The following CCPG1 variants were observed in gnomAD, a reference collection of about 807,000 sequenced individuals.
The protein encoded by CCPG1 is cell cycle progression protein 1.
CCPG1 carries 46 observed loss-of-function variants against 81.3 expected under a neutral mutation model. The observed-to-expected ratio is 0.57, with a 90% confidence interval of 0.45 to 0.72. The LOEUF is 0.72. Ranked by LOEUF, CCPG1 falls within the 30% of genes least tolerant of loss-of-function variation. The pLI, the probability that CCPG1 is intolerant of heterozygous loss-of-function variation, is 0.00. For missense variants in CCPG1, 902 were observed against 937.6 expected (o/e 0.96, Z 0.50); for synonymous variants, 330 against 305.2 (o/e 1.08, Z -0.85).
At chr15:55,387,476 TTC>T (rs1368862784) in intron 2 of CCPG1, among the ~76,000 whole-genome samples, 2 of 152,244 alleles carry the variant, frequency 1.3e-5, no homozygotes, top group African/African-American at 4.8e-5. Context: ...TCTTGTTTTT[TTC>T]TGTTAATGTT....
chr15:55,404,885 T>C (rs943012914), intron 1 of CCPG1, among the ~76,000 whole-genome samples: 1 of 152,084 alleles, frequency 6.6e-6, no homozygotes, highest in Non-Finnish European at 1.5e-5. Context: ...TCCTGGCCAT[T>C]ATGGTGAAAC....
intron 6 of CCPG1, among the ~76,000 whole-genome samples, chr15:55,366,677 C>T (rs914775202): frequency 6.6e-6 from 1 of 152,276 alleles, no homozygotes; most frequent in African/African-American, 2.4e-5. Flanking sequence ...GAGGCTGCGG[C>T]AGGAGAATCG....
At chr15:55,383,986 A>T (rs1039465349) in intron 3 of CCPG1, among the ~76,000 whole-genome samples, 8 of 152,218 alleles carry the variant, frequency 5.3e-5, no homozygotes, top group Admixed American at 3.3e-4. Flanking sequence ...TTGCATTCAC[A>T]ACTTGGCTAA....
At chr15:55,371,048 G>GT (rs2056439042) in intron 6 of CCPG1, among the ~76,000 whole-genome samples, 1 of 152,170 alleles carries the variant, frequency 6.6e-6, no homozygotes, top group South Asian at 2.1e-4. Context: ...TGGGAGTGGA[G>GT]TTTGCATTGA....
Position 55,360,146 on chromosome 15 carries a change from T to C in CCPG1, c.1627A>G (p.Ile543Val). Reference protein sequence around the residue: ...FRHFKDTTKNIFDEKGNKRFG... With the variant: ...FRHFKDTTKNVFDEKGNKRFG... Reference sequence around the variant, plus strand: ...CTTTTATTACCCTTTTCATCAAAGATATTCTTGGTGGTATCTTTAAAGTGT... The same window carrying C: ...CTTTTATTACCCTTTTCATCAAAGACATTCTTGGTGGTATCTTTAAAGTGT... Residue 543 changes from isoleucine to valine, a missense_variant, in exon 8 of 9, where the codon ATC (isoleucine) becomes GTC (valine). Physicochemically the swap from Ile to Val is conservative, Grantham distance 29. Around this residue, in one of 3 missense-constraint regions of CCPG1, gnomAD observed 746 missense variants for 728.6 expected, o/e 1.02. Transcript: ENST00000442196. 2 of 1,613,602 alleles carry C rather than the reference T, an allele frequency of 1.2e-6. No individual in the cohort carries two copies. Among genetic ancestry groups the C allele is most frequent in the South Asian group, 1.1e-5 (1 of 90,982 alleles).
chr15:55,398,780 C>A (rs1010741303), intron 1 of CCPG1, among the ~76,000 whole-genome samples: 1 of 152,168 alleles, frequency 6.6e-6, no homozygotes, highest in East Asian at 1.9e-4. Flanking sequence ...TGCGGTTTCA[C>A]CATGTTGGCC....
chr15:55,383,106 G>A (rs1307551814), intron 3 of CCPG1, among the ~76,000 whole-genome samples: 1 of 152,180 alleles, frequency 6.6e-6, no homozygotes, highest in Non-Finnish European at 1.5e-5. Context: ...AATACAACCT[G>A]AAAGTCAAAA....
Position 55,365,182 on chromosome 15 carries a change from A to G in CCPG1, c.828+6T>C. On this transcript the variant is annotated splice_donor_region_variant and intron_variant, in intron 7 of 8. Transcript: ENST00000442196. ...AATTATTTTAAATACTGTTAGTGGT[A>G]CATACCTTATAATCTATAAAAGATT... is the stretch of plus-strand genomic sequence containing the variant. 7.0e-7 allele frequency: 1 copy of G among 1,428,122 alleles called. No individual in the cohort carries two copies. Among genetic ancestry groups the G allele is most frequent in the Non-Finnish European group, 9.7e-7 (1 of 1,034,284 alleles). The allele number at this position is 1,428,122 out of a possible 1,614,324, so 88.5% of individuals were successfully genotyped here.
chr15:55,356,642 T>G, intron 8 of CCPG1: 1 of 1,219,620 alleles, frequency 8.2e-7, no homozygotes, highest in Non-Finnish European at 1.0e-6. Flanking sequence ...AGGGAAACAC[T>G]CAAAAGATAA....
intron 1 of CCPG1, among the ~76,000 whole-genome samples, chr15:55,398,506 C>A (rs897560526): frequency 6.6e-6 from 1 of 152,136 alleles, no homozygotes; most frequent in Admixed American, 6.5e-5. Context: ...TCTTTCACCT[C>A]CGCCAAAGGA....
chr15:55,357,011 T>A, intron 8 of CCPG1: 1 of 985,512 alleles, frequency 1.0e-6, no homozygotes, highest in Non-Finnish European at 1.2e-6. Flanking sequence ...ATTTTCAAGG[T>A]ACCACTCCCC....
chr15:55,356,717 T>A (rs2056084814), intron 8 of CCPG1: 7 of 1,066,510 alleles, frequency 6.6e-6, no homozygotes, highest in African/African-American at 5.0e-5. Context: ...TCCTTTCCTA[T>A]AAAAATCAGT....
At chr15:55,387,002 C>G (rs1213420342) in intron 2 of CCPG1, among the ~76,000 whole-genome samples, 1 of 152,004 alleles carries the variant, frequency 6.6e-6, no homozygotes, top group African/African-American at 2.4e-5. Context: ...ATGGTAGAGG[C>G]TAAAGCAAGG....
At chr15:55,389,080 A>AG (rs1350169689) in intron 2 of CCPG1, among the ~76,000 whole-genome samples, 1 of 150,782 alleles carries the variant, frequency 6.6e-6, no homozygotes, top group Non-Finnish European at 1.5e-5. Context: ...AAAAAAAAAA[A>AG]AAAAAAAAAG....
intron 3 of CCPG1, 71 bp from the exon 4 acceptor site, chr15:55,378,447 A>T: frequency 2.3e-6 from 2 of 876,748 alleles, no homozygotes; most frequent in East Asian, 2.6e-5. Flanking sequence ...TGCAGCCAAC[A>T]TATAATCTGG....
At chr15:55,391,655 A>G (rs985510235) in intron 1 of CCPG1, among the ~76,000 whole-genome samples, 3 of 152,156 alleles carry the variant, frequency 2.0e-5, no homozygotes, top group Admixed American at 1.3e-4. Flanking sequence ...AAGTAAATTA[A>G]CAGTTGTCAA....
In CCPG1 at chr15:55,359,771, G is replaced by T. The variant is rs559042172; in HGVS notation, c.2002C>A (p.Leu668Met). 2.5e-6 allele frequency: 4 copies of T among 1,613,272 alleles called. No individual in the cohort carries two copies. In the East Asian group the frequency reaches 8.9e-5, roughly 36 times the overall value. ...TCGTTCCAGTGACAAAAAGTATCCAGTTCTTTTAACATGTACCTTTGAATT... is the reference window on the plus strand; with the variant it reads ...TCGTTCCAGTGACAAAAAGTATCCATTTCTTTTAACATGTACCTTTGAATT... ...QIIQRYMLKELDTFCHWNELD... is the reference protein window; with the variant it reads ...QIIQRYMLKEMDTFCHWNELD... Residue 668 changes from leucine to methionine, a missense_variant, in exon 8 of 9, where the codon CTG becomes ATG. Transcript: ENST00000442196.
chr15:55,380,019 G>C (rs1184381310), intron 3 of CCPG1, among the ~76,000 whole-genome samples: 3 of 150,348 alleles, frequency 2.0e-5, no homozygotes, highest in African/African-American at 7.4e-5. Context: ...AGAATTGCTT[G>C]AACCCAGGAG....
chr15:55,385,376 A>G (rs2141302570), intron 3 of CCPG1, among the ~76,000 whole-genome samples: 1 of 152,260 alleles, frequency 6.6e-6, no homozygotes. Context: ...CATGTTGGCC[A>G]GACTGCTCTT....
Sources: allele counts gnomAD v4.1 joint callset (sites outside exome capture counted in the v4.1 genomes callset), GRCh38; gene constraint gnomAD v4.1.1; regional missense constraint gnomAD v4.1.1; transcripts MANE v1.5; gene names NCBI Gene and HGNC (gene_info 2026-07-23, HGNC 2026-07-21).